The following TMEM116 variants were observed in gnomAD, a reference collection of about 807,000 sequenced individuals.
TMEM116 encodes transmembrane protein 116.
In TMEM116, 38 loss-of-function variants were observed where a neutral mutation model predicts 44.3. That is an observed-to-expected ratio of 0.86 (90% CI 0.66 to 1.12). The LOEUF (loss-of-function observed/expected upper bound fraction) is 1.12. TMEM116 is among the 50% of genes most tolerant of loss of function. The pLI is 0.00. For missense variants in TMEM116, 354 were observed against 401.7 expected (o/e 0.88, Z 1.01); for synonymous variants, 132 against 144.8 (o/e 0.91, Z 0.64).
intron 4 of TMEM116, among the ~76,000 whole-genome samples, chr12:111,958,828 C>T (rs1422349507): frequency 6.6e-6 from 1 of 152,034 alleles, no homozygotes; most frequent in South Asian, 2.1e-4. Flanking sequence ...AACAAAGCCT[C>T]CAAGAAATAT....
At chr12:111,990,918 AGGTT>A (rs2076525374) in intron 4 of TMEM116, among the ~76,000 whole-genome samples, 1 of 152,178 alleles carries the variant, frequency 6.6e-6, no homozygotes, top group East Asian at 1.9e-4. Context: ...TAATAAAAAC[AGGTT>A]ATAAAAAGTA....
chr12:111,931,689 A>G lies in TMEM116; in HGVS notation c.946T>C (p.Tyr316His), dbSNP rs1186771027. ...TCCAGTGAATTTAAGCCCCTGCTAT[A>G]GAATCTCTTCTGTGAGCATAATAAT... is the stretch of plus-strand genomic sequence containing the variant. ...TPLLCSQKRF[Y>H]SRGLNSLEST... Residue 316 changes from tyrosine (Y) to histidine (H), a missense_variant, in exon 11 of 11, where the codon TAT becomes CAT. Tyr to His is a moderately conservative substitution (Grantham distance 83). Coordinates refer to ENST00000552374, the MANE Select transcript of TMEM116 (RefSeq NM_001193531.2). The G allele has an allele frequency of 6.2e-7, 1 of 1,614,160 alleles. No individual in the cohort carries two copies. The highest frequency in any genetic ancestry group is 8.5e-7 in the Non-Finnish European group (1 of 1,180,016).
At chr12:111,952,934 C>T (rs969469892) in intron 4 of TMEM116, among the ~76,000 whole-genome samples, 9 of 152,150 alleles carry the variant, frequency 5.9e-5, no homozygotes, top group Non-Finnish European at 1.3e-4. Flanking sequence ...CCTAATTCCC[C>T]ATGGTCATTT....
intron 4 of TMEM116, among the ~76,000 whole-genome samples, chr12:111,966,165 G>C (rs1250015893): frequency 6.6e-6 from 1 of 152,060 alleles, no homozygotes; most frequent in African/African-American, 2.4e-5. Flanking sequence ...AATTAGCCAG[G>C]TGTGATGGTG....
intron 4 of TMEM116, among the ~76,000 whole-genome samples, chr12:111,977,301 A>T (rs1376197258): frequency 6.6e-6 from 1 of 152,202 alleles, no homozygotes; most frequent in East Asian, 1.9e-4. Flanking sequence ...AACAAGAAGA[A>T]AGTACAGTGA....
chr12:111,991,453 G>A (rs2076585213), intron 4 of TMEM116, among the ~76,000 whole-genome samples: 1 of 151,188 alleles, frequency 6.6e-6, no homozygotes, highest in Non-Finnish European at 1.5e-5. Flanking sequence ...GAACCTGGGA[G>A]GCAGAGCTTG....
chr12:111,931,730 G>A lies in TMEM116; in HGVS notation c.905C>T (p.Ala302Val). 1.2e-6 allele frequency: 2 copies of A among 1,612,846 alleles called. No homozygotes were observed. Among genetic ancestry groups the A allele is most frequent in the South Asian group, 2.2e-5 (2 of 90,848 alleles). ...HQLKQEARRD[A>V]DTQTPLLCSQ... The stretch of plus-strand genomic sequence containing the variant: ...GCATAATAATGGTGTCTGGGTATCT[G>A]CATCACGCCGAGCCTCCTGCTTTAG... Residue 302 changes from alanine (A) to valine (V), a missense_variant, in exon 11 of 11, where the codon GCA becomes GTA. Transcript: ENST00000552374.
intron 4 of TMEM116, among the ~76,000 whole-genome samples, chr12:111,980,765 T>C (rs560956833): frequency 5.9e-5 from 9 of 152,290 alleles, no homozygotes; most frequent in Admixed American, 4.6e-4. Flanking sequence ...ACTAGCACGA[T>C]ATTTACATAG....
At chr12:111,981,488 G>A (rs1407799310) in intron 4 of TMEM116, among the ~76,000 whole-genome samples, 1 of 152,210 alleles carries the variant, frequency 6.6e-6, no homozygotes, top group Non-Finnish European at 1.5e-5. Context: ...GCAGCTACGT[G>A]TTTTGGTGTG....
chr12:111,948,843 C>T (rs2073486689), intron 4 of TMEM116, among the ~76,000 whole-genome samples: 1 of 152,004 alleles, frequency 6.6e-6, no homozygotes, highest in African/African-American at 2.4e-5. Context: ...CTTTGGTAGT[C>T]CTAGCCAAGA....
chr12:111,968,948 G>C (rs1236345432), intron 4 of TMEM116, among the ~76,000 whole-genome samples: 1 of 140,468 alleles, frequency 7.1e-6, no homozygotes, highest in African/African-American at 2.6e-5. Flanking sequence ...AGCCCACGTC[G>C]TGTCACTGCA....
chr12:111,936,865 C>A, intron 7 of TMEM116, 35 bp from the exon 8 acceptor site: 1 of 1,545,740 alleles, frequency 6.5e-7, no homozygotes, highest in South Asian at 1.3e-5. Flanking sequence ...AGTACTACTA[C>A]AGATGTAAGA....
chr12:111,953,843 C>T (rs2073909086), intron 4 of TMEM116, among the ~76,000 whole-genome samples: 1 of 152,124 alleles, frequency 6.6e-6, no homozygotes. Context: ...CAATAGCTTA[C>T]TTAGTTCACT....
At chr12:112,005,334 T>C in intron 1 of TMEM116, 31 bp from the exon 2 acceptor site, 1 of 1,274,952 alleles carries the variant, frequency 7.8e-7, no homozygotes, top group South Asian at 2.6e-5. Context: ...GGAATAAAAT[T>C]AAACCTTTTA....
At chr12:111,955,581 T>C (rs2074027858) in intron 4 of TMEM116, among the ~76,000 whole-genome samples, 1 of 152,248 alleles carries the variant, frequency 6.6e-6, no homozygotes, top group African/African-American at 2.4e-5. Context: ...AATGTTATCC[T>C]GGCATTGCAA....
chr12:111,957,566 G>A (rs1472826054), intron 4 of TMEM116, among the ~76,000 whole-genome samples: 11 of 150,766 alleles, frequency 7.3e-5, no homozygotes, highest in African/African-American at 1.5e-4. Flanking sequence ...CAGCCGCCCC[G>A]TCTGGGAGGT....
chr12:111,946,580 C>T (rs1226872571), intron 4 of TMEM116, among the ~76,000 whole-genome samples: 1 of 152,134 alleles, frequency 6.6e-6, no homozygotes, highest in Non-Finnish European at 1.5e-5. Flanking sequence ...GTTCCTTGCC[C>T]TCATTCCAGT....
At chr12:111,963,811 A>C (rs2074788703) in intron 4 of TMEM116, among the ~76,000 whole-genome samples, 1 of 151,964 alleles carries the variant, frequency 6.6e-6, no homozygotes, top group Non-Finnish European at 1.5e-5. Context: ...AACTTAAAGT[A>C]TTTTTTTTAA....
chr12:111,973,902 G>A (rs891899605), intron 4 of TMEM116, among the ~76,000 whole-genome samples: 5 of 151,864 alleles, frequency 3.3e-5, no homozygotes, highest in South Asian at 2.1e-4. Flanking sequence ...CAACAAAAGC[G>A]AGACTTTGTC....
Sources: gnomAD v4.1 joint callset for allele counts (sites outside exome capture counted in the v4.1 genomes callset) on GRCh38, gnomAD v4.1.1 for gene constraint, MANE v1.5 for transcripts, NCBI Gene and HGNC (gene_info 2026-07-23, HGNC 2026-07-21) for gene names.